YWHAG: variants seen among roughly 807,000 people sequenced by gnomAD.
The protein encoded by YWHAG is tyrosine 3-monooxygenase/tryptophan 5-monooxygenase activation protein gamma, also known as 14-3-3 protein gamma.
YWHAG carries 1 observed loss-of-function variant against 23.3 expected under a neutral mutation model. The ratio of observed to expected loss-of-function variants is 0.04; its 90% CI spans 0.02 to 0.20. The LOEUF (loss-of-function observed/expected upper bound fraction) is 0.20, where lower values mean the gene tolerates loss of function less well. Among genes scored for constraint, YWHAG ranks in the 10% least tolerant of loss-of-function variants. YWHAG has a pLI of 1.00. For missense variants in YWHAG, 151 were observed against 338.6 expected (o/e 0.45, Z 4.35); for synonymous variants, 160 against 144.0 (o/e 1.11, Z -0.80).
chr7:76,355,767 T>C (rs762749753), intron 1 of YWHAG, among the ~76,000 whole-genome samples: 16 of 152,180 alleles, frequency 1.1e-4, no homozygotes, highest in Admixed American at 5.2e-4. Flanking sequence ...TTAAACTGCT[T>C]AACTCAGTAA....
At chr7:76,354,320 G>A (rs1803918411) in intron 1 of YWHAG, among the ~76,000 whole-genome samples, 1 of 152,082 alleles carries the variant, frequency 6.6e-6, no homozygotes, top group South Asian at 2.1e-4. Context: ...AGCTCAGCCT[G>A]GCCAACATGG....
At chr7:76,354,307 T>A (rs113212294) in intron 1 of YWHAG, among the ~76,000 whole-genome samples, 2,154 of 152,102 alleles carry the variant, frequency 0.014, 34 homozygotes, top group South Asian at 0.059. Context: ...AGTCAGGAGT[T>A]CGAGCTCAGC....
chr7:76,341,404 C>CAAAAAAAAAA (rs1158151013), intron 1 of YWHAG, among the ~76,000 whole-genome samples: 1 of 44,650 alleles, frequency 2.2e-5, no homozygotes, highest in African/African-American at 8.1e-5. Context: ...ACTCTTGCCT[C>CAAAAAAAAAA]AAAAAAAAAA....
intron 1 of YWHAG, among the ~76,000 whole-genome samples, chr7:76,348,512 T>C (rs911312454): frequency 6.6e-6 from 1 of 150,864 alleles, no homozygotes; most frequent in African/African-American, 2.4e-5. Context: ...CACGCCATTC[T>C]CCTGCCTCAG....
In YWHAG at chr7:76,328,426, G is replaced by A. The variant is rs1180367470; in HGVS notation, c.*1151C>T. ...AAACTGACACACTGACAAGGCTCCCGAAATTGGACAGAATGGTTAAGGATA... is the reference window on the plus strand; with the variant it reads ...AAACTGACACACTGACAAGGCTCCCAAAATTGGACAGAATGGTTAAGGATA... On this transcript the variant is annotated 3_prime_UTR_variant, in exon 2 of 2. Transcript: ENST00000307630. 6.6e-6 allele frequency: 1 copy of A among 152,084 alleles called. No homozygotes were observed. The highest frequency in any genetic ancestry group is 1.5e-5 in the Non-Finnish European group (1 of 68,026). 9.4% of individuals were successfully genotyped at this position (152,084 alleles called of 1,614,324 possible).
At chr7:76,342,014 GCTT>G (rs1230106665) in intron 1 of YWHAG, among the ~76,000 whole-genome samples, 1 of 152,136 alleles carries the variant, frequency 6.6e-6, no homozygotes, top group African/African-American at 2.4e-5. Context: ...AATACTTGAT[GCTT>G]CTTAATACAT....
intron 1 of YWHAG, among the ~76,000 whole-genome samples, chr7:76,348,048 A>G (rs1393495668): frequency 1.3e-5 from 2 of 152,246 alleles, no homozygotes; most frequent in African/African-American, 4.8e-5. Context: ...GTTCTTCTGT[A>G]TTTAAACCTA....
intron 1 of YWHAG, among the ~76,000 whole-genome samples, chr7:76,334,747 G>GAAAGAAAGA (rs1554617099): frequency 2.0e-5 from 3 of 149,036 alleles, no homozygotes; most frequent in Non-Finnish European, 4.5e-5. Flanking sequence ...AAGAAAGAAA[G>GAAAGAAAGA]AAAGAAAAGA....
chr7:76,348,289 T>G (rs78193114), intron 1 of YWHAG, among the ~76,000 whole-genome samples: 1,818 of 143,480 alleles, frequency 0.013, 39 homozygotes, highest in African/African-American at 0.046. Context: ...TTTTTGGAGA[T>G]AGCGTGTCGC....
intron 1 of YWHAG, among the ~76,000 whole-genome samples, chr7:76,334,480 TAC>T (rs1413552879): frequency 1.3e-5 from 2 of 149,258 alleles, no homozygotes; most frequent in East Asian, 2.0e-4. Context: ...CTGGCTGGAG[TAC>T]AGTGGTGCAA....
Position 76,358,863 on chromosome 7 carries a change from G to T in YWHAG, c.-55C>A. The T allele has an allele frequency of 6.7e-7, 1 of 1,499,060 alleles. No individual in the cohort carries two copies. Among genetic ancestry groups the T allele is most frequent in the Non-Finnish European group, 9.0e-7 (1 of 1,109,662 alleles). 92.9% of individuals were successfully genotyped at this position (1,499,060 alleles called of 1,614,324 possible). Reference sequence around the variant, plus strand: ...GAGGAGGACACTGGGGCGGCCTGAAGGGCTTGGAGGGCGCGACTGGAGCCC... The same window carrying T: ...GAGGAGGACACTGGGGCGGCCTGAATGGCTTGGAGGGCGCGACTGGAGCCC... On this transcript the variant is annotated 5_prime_UTR_variant, in exon 1 of 2. Coordinates refer to ENST00000307630, the MANE Select transcript of YWHAG (RefSeq NM_012479.4).
At chr7:76,358,454 C>G (rs1020883271) in intron 1 of YWHAG, among the ~76,000 whole-genome samples, 1 of 152,100 alleles carries the variant, frequency 6.6e-6, no homozygotes, top group Non-Finnish European at 1.5e-5. Flanking sequence ...ACCCCGCTCC[C>G]AAGTCCAGCC....
chr7:76,330,852 C>T (rs1176074116), intron 1 of YWHAG, among the ~76,000 whole-genome samples: 2 of 152,144 alleles, frequency 1.3e-5, no homozygotes, highest in African/African-American at 4.8e-5. Context: ...TACAAAAGAA[C>T]GAGGCGAGCA....
At chr7:76,344,198 C>G (rs1268994528) in intron 1 of YWHAG, among the ~76,000 whole-genome samples, 1 of 152,076 alleles carries the variant, frequency 6.6e-6, no homozygotes, top group Non-Finnish European at 1.5e-5. Context: ...GCAGCCTCCA[C>G]CTCCCAGGTC....
rs1172140253 is a variant in YWHAG, at chr7:76,328,440, T to C, written c.*1137A>G. ...ACAAGGCTCCCGAAATTGGACAGAA[T>C]GGTTAAGGATATAGCTCTTCCTTTT... On this transcript the variant is annotated 3_prime_UTR_variant, in exon 2 of 2. Transcript: ENST00000307630. The C allele has an allele frequency of 6.6e-6, 1 of 152,122 alleles. No individual in the cohort carries two copies. Among genetic ancestry groups the C allele is most frequent in the Non-Finnish European group, 1.5e-5 (1 of 68,022 alleles). The allele number at this position is 152,122 out of a possible 1,614,324, so 9.4% of individuals were successfully genotyped here.
At chr7:76,343,792 C>A (rs1803734994) in intron 1 of YWHAG, among the ~76,000 whole-genome samples, 1 of 152,156 alleles carries the variant, frequency 6.6e-6, no homozygotes, top group African/African-American at 2.4e-5. Context: ...GGACCTTCCA[C>A]CACCACGTGA....
At position 76,327,282 on chromosome 7, in the gene YWHAG, TA is replaced by T. The variant is rs2115579227; in HGVS notation, c.*2294del. The T allele has an allele frequency of 6.6e-6, 1 of 152,106 alleles. No individual in the cohort carries two copies. Among genetic ancestry groups the T allele is most frequent in the African/African-American group, 2.4e-5 (1 of 41,520 alleles). The allele number at this position is 152,106 out of a possible 1,614,324, so 9.4% of individuals were successfully genotyped here. On this transcript the variant is annotated 3_prime_UTR_variant, in exon 2 of 2. Transcript: ENST00000307630. ...TAATTTTTTTTGTCATAGGAATACA[TA>T]ACACCTACAGTATAAGTTAATCAAT...
At chr7:76,345,723 A>T (rs906404142) in intron 1 of YWHAG, among the ~76,000 whole-genome samples, 13 of 151,974 alleles carry the variant, frequency 8.6e-5, no homozygotes, top group Non-Finnish European at 1.9e-4. Flanking sequence ...TGGCCGGATC[A>T]TGAGGTCTTC....
At chr7:76,334,018 T>A (rs948353073) in intron 1 of YWHAG, among the ~76,000 whole-genome samples, 3 of 152,190 alleles carry the variant, frequency 2.0e-5, no homozygotes, top group African/African-American at 7.2e-5. Flanking sequence ...AACAAGGAGA[T>A]TATGAAATGC....
Sources: gnomAD v4.1 joint callset for allele counts (sites outside exome capture counted in the v4.1 genomes callset) on GRCh38, gnomAD v4.1.1 for gene constraint, MANE v1.5 for transcripts, NCBI Gene and HGNC (gene_info 2026-07-23, HGNC 2026-07-21) for gene names.